The following UST variants were observed in gnomAD, a reference collection of about 807,000 sequenced individuals.
UST encodes uronyl 2-sulfotransferase.
A neutral mutation model predicts 45.6 loss-of-function variants in UST; 21 were observed. That is an observed-to-expected ratio of 0.46 (90% CI 0.33 to 0.66). The LOEUF (loss-of-function observed/expected upper bound fraction) is 0.66. Ranked by LOEUF, UST falls within the 30% of genes least tolerant of loss-of-function variation. The pLI is 0.02. For synonymous variants in UST, 215 were observed against 200.6 expected (o/e 1.07, Z -0.61); for missense variants, 463 against 512.4 (o/e 0.90, Z 0.93).
chr6:148,817,390 A>G (rs915075536), intron 1 of UST, among the ~76,000 whole-genome samples: 2 of 152,236 alleles, frequency 1.3e-5, no homozygotes, highest in African/African-American at 2.4e-5. Context: ...TGAGCCAAAT[A>G]TGAGTGACCA....
chr6:148,793,527 A>G (rs899079109), intron 1 of UST, among the ~76,000 whole-genome samples: 11 of 152,192 alleles, frequency 7.2e-5, no homozygotes, highest in African/African-American at 2.7e-4. Flanking sequence ...CGATGGGAAC[A>G]CATTCTGAGA....
chr6:149,029,362 T>G (rs1295732360), intron 7 of UST, among the ~76,000 whole-genome samples: 3 of 147,098 alleles, frequency 2.0e-5, no homozygotes, highest in African/African-American at 7.4e-5. Flanking sequence ...ATATAAATTA[T>G]ATGTAATATA....
At chr6:149,050,585 C>T (rs1405804788) in intron 7 of UST, among the ~76,000 whole-genome samples, 1 of 152,188 alleles carries the variant, frequency 6.6e-6, no homozygotes, top group Non-Finnish European at 1.5e-5. Context: ...GAGAGGTAAA[C>T]ACCAGCATTA....
chr6:148,763,989 G>T (rs1393063672), intron 1 of UST, among the ~76,000 whole-genome samples: 2 of 152,036 alleles, frequency 1.3e-5, no homozygotes, highest in African/African-American at 4.8e-5. Context: ...GGTCTTTTTG[G>T]TTCCATATGA....
intron 1 of UST, among the ~76,000 whole-genome samples, chr6:148,825,140 A>G (rs72999172): frequency 0.025 from 3,743 of 152,120 alleles, 78 homozygotes; most frequent in African/African-American, 0.052. Flanking sequence ...TGGGGGTGAG[A>G]GGTGGGGTGA....
At chr6:149,024,231 T>C (rs923159255) in intron 7 of UST, among the ~76,000 whole-genome samples, 1 of 152,220 alleles carries the variant, frequency 6.6e-6, no homozygotes, top group Non-Finnish European at 1.5e-5. Flanking sequence ...ACGGAAGGAC[T>C]AATTCATGGC....
chr6:148,782,933 C>T (rs185965007), intron 1 of UST, among the ~76,000 whole-genome samples: 33 of 152,326 alleles, frequency 2.2e-4, no homozygotes, highest in Admixed American at 7.2e-4. Context: ...AAGTTCTACT[C>T]TGTGTAAAAT....
At chr6:149,007,183 G>C (rs1313609091) in intron 5 of UST, among the ~76,000 whole-genome samples, 1 of 137,302 alleles carries the variant, frequency 7.3e-6, no homozygotes, top group African/African-American at 2.8e-5. Flanking sequence ...GCAGTGGTGT[G>C]GTCTTGGCTC....
chr6:148,903,593 T>C (rs1307571405), intron 2 of UST, among the ~76,000 whole-genome samples: 2 of 152,156 alleles, frequency 1.3e-5, no homozygotes, highest in Non-Finnish European at 2.9e-5. Flanking sequence ...CTAATAGGGG[T>C]AAAAACTAAT....
chr6:149,031,028 G>A (rs890271244), intron 7 of UST, among the ~76,000 whole-genome samples: 1 of 152,040 alleles, frequency 6.6e-6, no homozygotes, highest in Non-Finnish European at 1.5e-5. Flanking sequence ...CCAACATGGT[G>A]AAACCCCATC....
intron 1 of UST, among the ~76,000 whole-genome samples, chr6:148,885,451 C>T (rs182711058): frequency 1.3e-5 from 2 of 152,270 alleles, no homozygotes; most frequent in Admixed American, 6.5e-5. Flanking sequence ...TATTCATGCA[C>T]GCTCTCAGTG....
chr6:148,929,830 G>A (rs1779888260), intron 2 of UST, among the ~76,000 whole-genome samples: 1 of 152,132 alleles, frequency 6.6e-6, no homozygotes, highest in South Asian at 2.1e-4. Flanking sequence ...GTATGTATGA[G>A]GGGAAACACT....
intron 5 of UST, among the ~76,000 whole-genome samples, chr6:149,017,795 TATATACACAC>T (rs1562330666): frequency 2.0e-5 from 1 of 51,086 alleles, no homozygotes; most frequent in Non-Finnish European, 3.6e-5. Flanking sequence ...TGAATATCCA[TATATACACAC>T]ACACACACAC....
rs1234070133 is a variant in UST at position 148,781,164 on chromosome 6, G to C, written c.247+33487G>C. ...GGCATGTTGAAAGCTGAAATAGACC[G>C]AAAGCTGAGATAAACTGAAGGCTGG... On this transcript the variant is annotated intron_variant, in intron 1 of 7. Coordinates refer to ENST00000367463, the MANE Select transcript of UST (RefSeq NM_005715.3). Among the ~76,000 whole-genome samples the C allele has an allele frequency of 2.6e-5, 4 of 152,278 alleles. No homozygotes were observed. In the South Asian group the frequency reaches 8.3e-4, roughly 32 times the overall value.
chr6:149,000,075 CAAGGAGACTAG>C (rs1781518205), intron 5 of UST, among the ~76,000 whole-genome samples: 1 of 152,158 alleles, frequency 6.6e-6, no homozygotes, highest in South Asian at 2.1e-4. Context: ...AGGACAAGGT[CAAGGAGACTAG>C]AAGTGTCCTG....
chr6:148,784,623 A>C (rs1776704777), intron 1 of UST, among the ~76,000 whole-genome samples: 2 of 152,226 alleles, frequency 1.3e-5, no homozygotes, highest in Admixed American at 1.3e-4. Flanking sequence ...TTGTACATAT[A>C]TTGGCTGTTT....
At chr6:148,908,128 C>G (rs1779403216) in intron 2 of UST, among the ~76,000 whole-genome samples, 2 of 152,022 alleles carry the variant, frequency 1.3e-5, no homozygotes, top group Admixed American at 1.3e-4. Context: ...AGGTTGGTCT[C>G]AAACTCCTGA....
At chr6:148,867,327 CATAT>C (rs1346630009) in intron 1 of UST, among the ~76,000 whole-genome samples, 58 of 92,874 alleles carry the variant, frequency 6.2e-4, no homozygotes, top group Non-Finnish European at 8.1e-4. Context: ...CACACACACA[CATAT>C]ATATGTACGT....
chr6:148,989,813 G>T (rs1267887830), intron 5 of UST, among the ~76,000 whole-genome samples: 2 of 152,170 alleles, frequency 1.3e-5, no homozygotes, highest in Admixed American at 6.5e-5. Flanking sequence ...AAATAAAGGA[G>T]TCAGTGAGAA....
Sources: allele counts gnomAD v4.1 joint callset (sites outside exome capture counted in the v4.1 genomes callset), GRCh38; gene constraint gnomAD v4.1.1; transcripts MANE v1.5; gene names NCBI Gene and HGNC (gene_info 2026-07-23, HGNC 2026-07-21).